Variants in DYM observed in about 807,000 individuals in gnomAD.
DYM encodes the protein dymeclin.
DYM carries 78 observed loss-of-function variants against 93.1 expected under a neutral mutation model. The observed-to-expected ratio is 0.84, with a 90% CI of 0.70 to 1.01. The LOEUF is 1.01. DYM is among the 50% of genes least tolerant of loss of function. The pLI, the probability that DYM is intolerant of heterozygous loss-of-function variation, is 0.00. For synonymous variants in DYM, 321 were observed against 319.7 expected (o/e 1.00, Z -0.04); for missense variants, 789 against 845.0 (o/e 0.93, Z 0.82).
intron 13 of DYM, among the ~76,000 whole-genome samples, chr18:49,248,112 A>T (rs2094208816): frequency 6.6e-6 from 1 of 152,252 alleles, no homozygotes; most frequent in South Asian, 2.1e-4. Flanking sequence ...TTAAAAAATG[A>T]AATCATATAC....
chr18:49,219,208 A>G (rs1397707494), intron 13 of DYM, among the ~76,000 whole-genome samples: 175 of 152,340 alleles, frequency 1.1e-3, no homozygotes, highest in African/African-American at 3.9e-3. Flanking sequence ...TAAACCAGGA[A>G]GAAGCTGAAT....
rs543087917 is a variant in DYM, at chr18:49,255,830, C to A, written c.1460+1180G>T. Among the ~76,000 whole-genome samples the A allele has an allele frequency of 6.6e-4, 100 of 152,158 alleles. 2 individuals are homozygous for A. Among genetic ancestry groups the A allele is most frequent in the African/African-American group, 2.4e-3 (99 of 41,514 alleles). ...AAAAGTACCCCCATATGCTAAAAAG[C>A]CCTGCAATGATATTCACTTATGACT... On this transcript the variant is annotated intron_variant, in intron 13 of 17. Coordinates refer to ENST00000675505, the MANE Select transcript of DYM (RefSeq NM_001353214.3).
intron 17 of DYM, among the ~76,000 whole-genome samples, chr18:49,050,156 G>A (rs2072218984): frequency 6.7e-6 from 1 of 148,680 alleles, no homozygotes; most frequent in Admixed American, 6.8e-5. Context: ...GCGCGATCTC[G>A]GCTCACTGCA....
intron 15 of DYM, among the ~76,000 whole-genome samples, chr18:49,143,681 T>C (rs565960374): frequency 1.3e-5 from 2 of 152,278 alleles, no homozygotes; most frequent in East Asian, 1.9e-4. Flanking sequence ...AAATTTACCA[T>C]TGTAACCACT....
At chr18:49,228,215 A>C (rs1255323472) in intron 13 of DYM, among the ~76,000 whole-genome samples, 1 of 152,180 alleles carries the variant, frequency 6.6e-6, no homozygotes, top group Admixed American at 6.5e-5. Context: ...ATATTCAATG[A>C]TCCACAAGTC....
intron 2 of DYM, among the ~76,000 whole-genome samples, chr18:49,425,573 A>T (rs2074196141): frequency 6.6e-6 from 1 of 152,166 alleles, no homozygotes. Context: ...GAGCTTCTGC[A>T]CAGCAAAAGA....
intron 5 of DYM, among the ~76,000 whole-genome samples, chr18:49,368,884 T>A (rs1269769324): frequency 6.6e-6 from 1 of 152,236 alleles, no homozygotes; most frequent in Non-Finnish European, 1.5e-5. Flanking sequence ...TAAATATACT[T>A]CCACAAATTT....
At chr18:49,207,135 G>A (rs2092556756) in intron 14 of DYM, among the ~76,000 whole-genome samples, 1 of 151,896 alleles carries the variant, frequency 6.6e-6, no homozygotes, top group African/African-American at 2.4e-5. Context: ...TCTCCTGTCT[G>A]CTCCTGCTAG....
chr18:49,148,325 T>C lies in DYM; in HGVS notation c.1728+15360A>G, dbSNP rs185022331. ...ACCTGCATGTTGTGCACATGTAGCC[T>C]AAAACTTAAAGTATAATTTTAAAAA... On this transcript the variant is annotated intron_variant, in intron 15 of 17. Coordinates refer to ENST00000675505, the MANE Select transcript of DYM (RefSeq NM_001353214.3). 1.6e-3 allele frequency among the ~76,000 whole-genome samples: 244 copies of C among 150,092 alleles called. 1 individual carries two copies. Among genetic ancestry groups the C allele is most frequent in the African/African-American group, 5.9e-3 (241 of 40,790 alleles).
At chr18:49,224,712 C>T (rs771600083) in intron 13 of DYM, among the ~76,000 whole-genome samples, 8 of 151,990 alleles carry the variant, frequency 5.3e-5, no homozygotes, top group Non-Finnish European at 1.2e-4. Context: ...AATCAGTCGG[C>T]GCCTTGATCT....
intron 13 of DYM, among the ~76,000 whole-genome samples, chr18:49,250,779 C>T (rs1206250476): frequency 6.6e-6 from 1 of 152,170 alleles, no homozygotes; most frequent in Non-Finnish European, 1.5e-5. Flanking sequence ...TTTTCTAGTT[C>T]CAGACCACAT....
chr18:49,333,619 G>T, intron 7 of DYM, 109 bp downstream of exon 7: 1 of 1,230,852 alleles, frequency 8.1e-7, no homozygotes, highest in Non-Finnish European at 1.2e-6. Context: ...AGAACAACTA[G>T]AGGAAATACC....
intron 14 of DYM, among the ~76,000 whole-genome samples, chr18:49,192,248 A>C (rs1335494487): frequency 6.6e-6 from 1 of 152,026 alleles, no homozygotes; most frequent in Non-Finnish European, 1.5e-5. Context: ...ATCACTCTGT[A>C]CATCAGTTTC....
chr18:49,076,448 T>C (rs1273366369), intron 17 of DYM, among the ~76,000 whole-genome samples: 1 of 152,156 alleles, frequency 6.6e-6, no homozygotes, highest in Non-Finnish European at 1.5e-5. Flanking sequence ...TTTGTTTAGG[T>C]TTTCAGAGTA....
At chr18:49,159,870 A>ACC (rs1377556643) in intron 15 of DYM, among the ~76,000 whole-genome samples, 1 of 152,234 alleles carries the variant, frequency 6.6e-6, no homozygotes, top group Non-Finnish European at 1.5e-5. Context: ...TGGTACAGTA[A>ACC]CAATATTCCT....
At chr18:49,311,300 G>A (rs1332988134) in intron 8 of DYM, among the ~76,000 whole-genome samples, 1 of 152,230 alleles carries the variant, frequency 6.6e-6, no homozygotes, top group Non-Finnish European at 1.5e-5. Flanking sequence ...TTATCAGTGA[G>A]ATCCACACCA....
chr18:49,201,939 G>C (rs1426719727), intron 14 of DYM, among the ~76,000 whole-genome samples: 1 of 152,114 alleles, frequency 6.6e-6, no homozygotes, highest in Non-Finnish European at 1.5e-5. Context: ...GTTTGGCACA[G>C]GACTAATCAC....
chr18:49,268,453 C>T (rs966949036), intron 11 of DYM, among the ~76,000 whole-genome samples: 2 of 152,168 alleles, frequency 1.3e-5, no homozygotes, highest in Non-Finnish European at 2.9e-5. Flanking sequence ...TTTTGGCAGT[C>T]AGCGAAGTTT....
chr18:49,259,691 TGA>T, intron 11 of DYM, among the ~76,000 whole-genome samples: 1 of 152,202 alleles, frequency 6.6e-6, no homozygotes, highest in Admixed American at 6.5e-5. Context: ...CCATACTCAC[TGA>T]AAGAACACAC....
Sources: allele counts gnomAD v4.1 joint callset (sites outside exome capture counted in the v4.1 genomes callset), GRCh38; gene constraint gnomAD v4.1.1; transcripts MANE v1.5; gene names NCBI Gene and HGNC (gene_info 2026-07-23, HGNC 2026-07-21).